Variants in MXI1 observed in about 807,000 individuals in gnomAD.
MXI1 encodes max-interacting protein 1.
MXI1 carries 18 observed loss-of-function variants against 36.9 expected under a neutral mutation model. That is an observed-to-expected ratio of 0.49 (90% confidence interval 0.34 to 0.72). The LOEUF (loss-of-function observed/expected upper bound fraction) is 0.72. Ranked by LOEUF, MXI1 falls within the 30% of genes least tolerant of loss-of-function variation. The pLI, the probability that MXI1 is intolerant of heterozygous loss-of-function variation, is 0.01. For missense variants in MXI1, 304 were observed against 379.1 expected (o/e 0.80, Z 1.64); for synonymous variants, 160 against 146.7 (o/e 1.09, Z -0.65).
intron 3 of MXI1, among the ~76,000 whole-genome samples, chr10:110,276,948 C>T (rs1857056156): frequency 6.6e-6 from 1 of 151,444 alleles, no homozygotes; most frequent in Non-Finnish European, 1.5e-5. Flanking sequence ...TGGGTTCAAG[C>T]GATTGTTGTG....
chr10:110,209,199 A>G (rs1854444185), intron 1 of MXI1, among the ~76,000 whole-genome samples: 1 of 152,184 alleles, frequency 6.6e-6, no homozygotes, highest in Non-Finnish European at 1.5e-5. Context: ...CGTCCTCAGA[A>G]TAATAGCTGT....
At chr10:110,226,326 C>T (rs374890268) in intron 1 of MXI1, 4 of 1,453,638 alleles carry the variant, frequency 2.8e-6, no homozygotes, top group East Asian at 2.9e-5. Flanking sequence ...CGCTACTAAT[C>T]TTTTTCGGCA....
intron 2 of MXI1, among the ~76,000 whole-genome samples, chr10:110,243,941 T>C (rs1855764981): frequency 6.6e-6 from 1 of 152,034 alleles, no homozygotes; most frequent in South Asian, 2.1e-4. Context: ...CACTGAGTGG[T>C]TAAGATTTGG....
At chr10:110,235,999 T>A (rs533965041) in intron 2 of MXI1, among the ~76,000 whole-genome samples, 121 of 152,132 alleles carry the variant, frequency 8.0e-4, no homozygotes, top group African/African-American at 2.9e-3. Flanking sequence ...AGAGTGAGAC[T>A]CCATCTCAAA....
chr10:110,286,908 C>T lies in MXI1; in HGVS notation c.*1921C>T, dbSNP rs796197045. 15 of 152,314 alleles carry T rather than the reference C, an allele frequency of 9.8e-5. No homozygotes were observed. The highest frequency in any genetic ancestry group is 3.1e-4 in the African/African-American group (13 of 41,562). The allele number at this position is 152,314 out of a possible 1,614,324, so 9.4% of individuals were successfully genotyped here. ...CAGGTGCTAGGGACTTAATGAAAAA[C>T]AGGACAAAACAATTCCTTTTTGTGG... On this transcript the variant is annotated 3_prime_UTR_variant, in exon 6 of 6. Transcript: ENST00000332674.
At chr10:110,253,828 A>G (rs1354975136) in intron 3 of MXI1, among the ~76,000 whole-genome samples, 1 of 152,060 alleles carries the variant, frequency 6.6e-6, no homozygotes, top group Non-Finnish European at 1.5e-5. Context: ...CAATATGAAA[A>G]TACCTTAGAG....
chr10:110,226,278 A>G (rs1267516098), intron 1 of MXI1: 10 of 1,495,238 alleles, frequency 6.7e-6, no homozygotes, highest in African/African-American at 1.4e-5. Context: ...GAGCGCCGGG[A>G]GCGAGGTAAT....
chr10:110,233,211 TG>T (rs1855336891), intron 2 of MXI1, among the ~76,000 whole-genome samples: 1 of 152,198 alleles, frequency 6.6e-6, no homozygotes, highest in Non-Finnish European at 1.5e-5. Flanking sequence ...ACTTTTCTGT[TG>T]TTTATAAGGC....
chr10:110,222,245 C>T (rs951436380), intron 1 of MXI1, among the ~76,000 whole-genome samples: 10 of 152,136 alleles, frequency 6.6e-5, no homozygotes, highest in African/African-American at 2.2e-4. Context: ...TATTTGAAAA[C>T]GCCCATCCTT....
rs138729473 is a variant in MXI1 at position 110,246,010 on chromosome 10, T to C, written c.437+1153T>C. On this transcript the variant is annotated intron_variant, in intron 3 of 5. Transcript: ENST00000332674. The stretch of plus-strand genomic sequence containing the variant: ...TAAGAATTGTAAGAGTAAAATACTT[T>C]CTTTTTGGTGTAGAGATTAGATTAA... 1.0e-3 allele frequency among the ~76,000 whole-genome samples: 154 copies of C among 152,208 alleles called. 1 individual carries two copies. The highest frequency in any genetic ancestry group is 3.5e-3 in the African/African-American group (147 of 41,544).
intron 5 of MXI1, 56 bp downstream of exon 5, chr10:110,280,141 A>AG: frequency 6.8e-7 from 1 of 1,461,588 alleles, no homozygotes; most frequent in Non-Finnish European, 9.2e-7. Context: ...ATCTGGATTT[A>AG]GGGAAGGTAT....
At chr10:110,261,233 A>G in intron 3 of MXI1, 1 of 724,174 alleles carries the variant, frequency 1.4e-6, no homozygotes, top group Non-Finnish European at 1.7e-6. Context: ...TAATCTGCCA[A>G]GCCCCATTCC....
In MXI1 at chr10:110,207,739, T is replaced by C; in HGVS notation, c.-70T>C. The C allele has an allele frequency of 9.5e-7, 1 of 1,050,950 alleles. No individual in the cohort carries two copies. 65.1% of individuals were successfully genotyped at this position (1,050,950 alleles called of 1,614,324 possible). On this transcript the variant is annotated 5_prime_UTR_variant, in exon 1 of 6. Coordinates refer to ENST00000332674, the MANE Select transcript of MXI1 (RefSeq NM_130439.3). The stretch of plus-strand genomic sequence containing the variant: ...TCTGCTCCAGCCGGCCGGGTCTCCC[T>C]GGGGGCCCGGAGCTCGGCCGGGCCG...
chr10:110,263,433 G>A (rs927792161), intron 3 of MXI1, among the ~76,000 whole-genome samples: 4 of 152,122 alleles, frequency 2.6e-5, no homozygotes, highest in African/African-American at 9.7e-5. Context: ...TGCTAAAGTT[G>A]TACCATGAGA....
Position 110,208,063 on chromosome 10 carries a change from G to A in MXI1, c.255G>A (p.Gln85=), listed in dbSNP as rs780987305. The part of the protein sequence containing the change: ...ILLEAASYLE[Q]IEKENKKCEH... Reference sequence around the variant, plus strand: ...TCGAGGCCGCCAGCTACCTGGAGCAGATCGAGAAAGAAAACAAAAGTAAGT... The same window carrying A: ...TCGAGGCCGCCAGCTACCTGGAGCAAATCGAGAAAGAAAACAAAAGTAAGT... The change falls in exon 1 of 6, where the codon CAG becomes CAA. Residue 85 remains glutamine, a synonymous_variant. Transcript: ENST00000332674. The A allele has an allele frequency of 5.3e-5, 84 of 1,596,278 alleles. No individual in the cohort carries two copies. The highest frequency in any genetic ancestry group is 3.9e-5 in the Non-Finnish European group (46 of 1,171,620).
At chr10:110,252,923 A>G (rs1411619987) in intron 3 of MXI1, among the ~76,000 whole-genome samples, 1 of 152,150 alleles carries the variant, frequency 6.6e-6, no homozygotes, top group East Asian at 1.9e-4. Context: ...GATAAGTAAG[A>G]ACAGCTTAAA....
At chr10:110,284,739 T>C (rs2855473) in intron 5 of MXI1, 85 bp from the exon 6 acceptor site, 2 of 1,208,796 alleles carry the variant, frequency 1.7e-6, no homozygotes, top group Non-Finnish European at 2.2e-6. Context: ...ACATTTCTTA[T>C]ACCTCTTTTC....
rs1290392595 is a variant in MXI1 at position 110,280,774 on chromosome 10, T to A, written c.724+689T>A. 3.3e-5 allele frequency among the ~76,000 whole-genome samples: 5 copies of A among 152,156 alleles called. No individual in the cohort carries two copies. In the East Asian group the frequency reaches 9.6e-4, roughly 29 times the overall value. ...GTCGAAGTTTTTACTACTGGTGATG[T>A]GAATTTTTATATGTAGATTTTAAAG... is the stretch of plus-strand genomic sequence containing the variant. On this transcript the variant is annotated intron_variant, in intron 5 of 5. Coordinates refer to ENST00000332674, the MANE Select transcript of MXI1 (RefSeq NM_130439.3).
chr10:110,279,095 A>G (rs543846860), intron 3 of MXI1, 85 bp from the exon 4 acceptor site: 1 of 1,074,864 alleles, frequency 9.3e-7, no homozygotes, highest in African/African-American at 1.6e-5. Context: ...AATAAATGCA[A>G]ATTATTGTTT....
Sources: allele counts gnomAD v4.1 joint callset (sites outside exome capture counted in the v4.1 genomes callset), GRCh38; gene constraint gnomAD v4.1.1; transcripts MANE v1.5; gene names NCBI Gene and HGNC (gene_info 2026-07-23, HGNC 2026-07-21).